Variants in ZNF804B observed in about 807,000 individuals in gnomAD.
The protein encoded by ZNF804B is zinc finger protein 804B.
A neutral mutation model predicts 101.4 loss-of-function variants in ZNF804B; 80 were observed. The observed-to-expected ratio is 0.79, with a 90% CI of 0.66 to 0.95. The LOEUF is 0.95. Among genes scored for constraint, ZNF804B ranks in the 40% least tolerant of loss-of-function variants. ZNF804B has a pLI of 0.00. For synonymous variants in ZNF804B, 622 were observed against 558.8 expected (o/e 1.11, Z -1.59); for missense variants, 1,673 against 1,561.9 (o/e 1.07, Z -1.20).
intron 1 of ZNF804B, among the ~76,000 whole-genome samples, chr7:89,096,153 TAA>T (rs10717569): frequency 0.5 from 68,716 of 136,628 alleles, 17,336 homozygotes; most frequent in African/African-American, 0.53. Flanking sequence ...AGACTCCATT[TAA>T]AAAAAAAAAA....
At chr7:88,829,287 C>A (rs1220055089) in intron 1 of ZNF804B, among the ~76,000 whole-genome samples, 1 of 151,974 alleles carries the variant, frequency 6.6e-6, no homozygotes, top group Non-Finnish European at 1.5e-5. Flanking sequence ...TCTATTATGT[C>A]ATTGTGAAGG....
chr7:88,868,788 T>G (rs1185323496), intron 1 of ZNF804B, among the ~76,000 whole-genome samples: 1 of 152,218 alleles, frequency 6.6e-6, no homozygotes, highest in Non-Finnish European at 1.5e-5. Context: ...CAAACCCAGG[T>G]TTCAGCCAGC....
intron 2 of ZNF804B, among the ~76,000 whole-genome samples, chr7:89,285,522 C>CAAAAAAAAAAAAAAAAAAAAAAAAAAA (rs778078214): frequency 4.5e-5 from 1 of 22,394 alleles, no homozygotes; most frequent in Admixed American, 8.1e-4. Flanking sequence ...GACTCTGTCT[C>CAAAAAAAAAAAAAAAAAAAAAAAAAAA]AAAAAAAAAA....
intron 2 of ZNF804B, among the ~76,000 whole-genome samples, chr7:89,245,970 G>A (rs1426255867): frequency 2.0e-5 from 3 of 152,156 alleles, no homozygotes; most frequent in African/African-American, 7.2e-5. Context: ...GCTTGGAGGT[G>A]CTGTGAGGAA....
chr7:88,985,251 CAA>C (rs58927850), intron 1 of ZNF804B, among the ~76,000 whole-genome samples: 16 of 126,040 alleles, frequency 1.3e-4, no homozygotes, highest in Admixed American at 1.7e-4. Context: ...TTTGTTTAAC[CAA>C]AAAAAAAAAA....
At chr7:89,001,985 A>C (rs1440588953) in intron 1 of ZNF804B, among the ~76,000 whole-genome samples, 8 of 151,696 alleles carry the variant, frequency 5.3e-5, no homozygotes, top group African/African-American at 9.7e-5. Flanking sequence ...AAACATAAAA[A>C]TCAAATGACC....
At chr7:89,104,318 C>T (rs944869132) in intron 1 of ZNF804B, among the ~76,000 whole-genome samples, 6 of 152,070 alleles carry the variant, frequency 3.9e-5, no homozygotes, top group Non-Finnish European at 8.8e-5. Context: ...GGCACCAGCT[C>T]TTCTTCATAC....
At chr7:89,021,970 G>A (rs114917975) in intron 1 of ZNF804B, among the ~76,000 whole-genome samples, 2,661 of 152,292 alleles carry the variant, frequency 0.017, 84 homozygotes, top group African/African-American at 0.061. Context: ...TGGGCTCAGG[G>A]CTTTCAAGGA....
intron 1 of ZNF804B, among the ~76,000 whole-genome samples, chr7:88,809,611 AT>A (rs987429694): frequency 1.3e-5 from 2 of 152,222 alleles, no homozygotes; most frequent in African/African-American, 2.4e-5. Context: ...CAGGTTTTGA[AT>A]TTGCTAATTT....
intron 1 of ZNF804B, among the ~76,000 whole-genome samples, chr7:89,098,508 G>C (rs1032999998): frequency 3.9e-5 from 6 of 151,964 alleles, no homozygotes; most frequent in African/African-American, 1.2e-4. Flanking sequence ...TCCTGACCTC[G>C]TGATCCTCCC....
At chr7:89,171,291 T>TGCTG (rs1562904397) in intron 1 of ZNF804B, among the ~76,000 whole-genome samples, 2,649 of 45,520 alleles carry the variant, frequency 0.058, 30 homozygotes, top group Admixed American at 0.074. Flanking sequence ...TGCTGCTGCT[T>TGCTG]CTTCTTCTTC....
intron 1 of ZNF804B, among the ~76,000 whole-genome samples, chr7:89,077,993 A>G (rs1245912938): frequency 6.6e-6 from 1 of 152,112 alleles, no homozygotes; most frequent in East Asian, 1.9e-4. Flanking sequence ...TATTTCTGTA[A>G]TACATAAATA....
At chr7:89,066,914 T>A (rs1355877963) in intron 1 of ZNF804B, among the ~76,000 whole-genome samples, 1 of 152,020 alleles carries the variant, frequency 6.6e-6, no homozygotes, top group Non-Finnish European at 1.5e-5. Flanking sequence ...GTTTATGTGA[T>A]GTTTGTGGTA....
intron 1 of ZNF804B, among the ~76,000 whole-genome samples, chr7:89,083,017 G>A (rs1789719635): frequency 6.6e-6 from 1 of 151,642 alleles, no homozygotes; most frequent in South Asian, 2.1e-4. Flanking sequence ...TTTTGTTCAT[G>A]TAATATTATT....
chr7:88,967,716 CAA>C (rs3034332), intron 1 of ZNF804B, among the ~76,000 whole-genome samples: 4,493 of 125,342 alleles, frequency 0.036, 247 homozygotes, highest in African/African-American at 0.12. Flanking sequence ...ATTGAAAAAG[CAA>C]AAAAAAAAAA....
chr7:88,850,711 A>C (rs1444855891), intron 1 of ZNF804B, among the ~76,000 whole-genome samples: 1 of 152,124 alleles, frequency 6.6e-6, no homozygotes, highest in African/African-American at 2.4e-5. Flanking sequence ...TTATAGAAAA[A>C]ATATTTATTA....
intron 1 of ZNF804B, among the ~76,000 whole-genome samples, chr7:89,192,827 G>A (rs1288832982): frequency 2.6e-5 from 4 of 152,002 alleles, no homozygotes; most frequent in Non-Finnish European, 5.9e-5. Context: ...ATTTATCCCA[G>A]GATGCAAGGT....
chr7:89,252,176 C>T (rs1041446238), intron 2 of ZNF804B, among the ~76,000 whole-genome samples: 5 of 151,982 alleles, frequency 3.3e-5, no homozygotes, highest in Admixed American at 6.6e-5. Flanking sequence ...GGTCTAATGT[C>T]GAGAATCTAT....
intron 1 of ZNF804B, among the ~76,000 whole-genome samples, chr7:89,028,996 T>C (rs561372859): frequency 1.3e-5 from 2 of 152,338 alleles, no homozygotes; most frequent in East Asian, 3.9e-4. Flanking sequence ...AGTGGTCCTT[T>C]TGTTTTCAAG....
Sources: gnomAD v4.1 joint callset for allele counts (sites outside exome capture counted in the v4.1 genomes callset) on GRCh38, gnomAD v4.1.1 for gene constraint, MANE v1.5 for transcripts, NCBI Gene and HGNC (gene_info 2026-07-23, HGNC 2026-07-21) for gene names.